PLD5: variants seen among roughly 807,000 people sequenced by gnomAD.
The protein encoded by PLD5 is inactive phospholipase D5.
PLD5 carries 36 observed loss-of-function variants against 61.1 expected under a neutral mutation model. That is an observed-to-expected ratio of 0.59 (90% CI 0.45 to 0.78). PLD5 has a LOEUF of 0.78. Ranked by LOEUF, PLD5 falls within the 30% of genes least tolerant of loss-of-function variation. The probability of loss-of-function intolerance (pLI) is 0.00; values close to 1 mark genes in which losing one functional copy is unlikely to be tolerated. For synonymous variants in PLD5, 243 were observed against 242.8 expected (o/e 1.00, Z -0.01); for missense variants, 515 against 644.4 (o/e 0.80, Z 2.17).
intron 2 of PLD5, among the ~76,000 whole-genome samples, chr1:242,324,408 C>T (rs1156326449): frequency 6.6e-6 from 1 of 152,268 alleles, no homozygotes; most frequent in Non-Finnish European, 1.5e-5. Flanking sequence ...GCATACTTTG[C>T]GTGAAATCAC....
chr1:242,489,263 GGAGGCATTATATATCTT>G lies in PLD5; in HGVS notation c.189+34808_189+34824del. Among the ~76,000 whole-genome samples, 3 of 152,142 alleles carry G rather than the reference GGAGGCATTATATATCTT, an allele frequency of 2.0e-5. No homozygotes were observed. In the Middle Eastern group the frequency reaches 0.01, roughly 517 times the overall value. On this transcript the variant is annotated intron_variant, in intron 1 of 9. Coordinates refer to ENST00000536534, the MANE Select transcript of PLD5 (RefSeq NM_001372062.1). Reference sequence around the variant, plus strand: ...ATCATCCGTCCCTTTTTGGGGTGATGGAGGCATTATATATCTTGATTGAGATGTTGGTAATATGAATT... The same window carrying G: ...ATCATCCGTCCCTTTTTGGGGTGATGGATTGAGATGTTGGTAATATGAATT...
At chr1:242,161,221 A>ACAAT (rs1472644545) in intron 5 of PLD5, among the ~76,000 whole-genome samples, 1 of 152,130 alleles carries the variant, frequency 6.6e-6, no homozygotes, top group Admixed American at 6.5e-5. Flanking sequence ...GGGATTCCAC[A>ACAAT]CAATCATGGC....
Position 242,151,902 on chromosome 1 carries a change from G to A in PLD5, c.736-27237C>T, listed in dbSNP as rs145373084. ...ACAGGAAGCTGTAAGAAACAGCACA[G>A]AGAGATTCCTTGTACTTTTTACCCA... is the stretch of plus-strand genomic sequence containing the variant. On this transcript the variant is annotated intron_variant, in intron 5 of 9. Coordinates refer to ENST00000536534, the MANE Select transcript of PLD5 (RefSeq NM_001372062.1). Among the ~76,000 whole-genome samples, 69 of 152,152 alleles carry A rather than the reference G, an allele frequency of 4.5e-4. No homozygotes were observed. The East Asian group carries it at 0.013, about 28-fold the overall frequency.
At chr1:242,092,624 TGCA>T (rs1659922599) in intron 9 of PLD5, among the ~76,000 whole-genome samples, 1 of 152,168 alleles carries the variant, frequency 6.6e-6, no homozygotes, top group Non-Finnish European at 1.5e-5. Flanking sequence ...CCGTCCCCTC[TGCA>T]GCAACTCAGG....
chr1:242,435,047 GTTT>G (rs34085742), intron 1 of PLD5, among the ~76,000 whole-genome samples: 1 of 149,184 alleles, frequency 6.7e-6, no homozygotes, highest in Non-Finnish European at 1.5e-5. Context: ...CCCAGCCCTT[GTTT>G]TTTTTTTAAA....
chr1:242,467,477 G>T (rs1667312416), intron 1 of PLD5, among the ~76,000 whole-genome samples: 1 of 152,076 alleles, frequency 6.6e-6, no homozygotes, highest in Non-Finnish European at 1.5e-5. Context: ...GAGTCCCTTT[G>T]CTCCTCCAAA....
chr1:242,085,075 A>AT lies in PLD5; in HGVS notation c.*4778dup, dbSNP rs1377226490. The AT allele has an allele frequency of 5.9e-5, 9 of 152,246 alleles. No individual in the cohort carries two copies. Among genetic ancestry groups the AT allele is most frequent in the Non-Finnish European group, 1.3e-4 (9 of 68,016 alleles). 9.4% of individuals were successfully genotyped at this position (152,246 alleles called of 1,614,324 possible). On this transcript the variant is annotated 3_prime_UTR_variant, in exon 10 of 10. Transcript: ENST00000536534. ...ATTCAACCCTTTATCAAACCCATTTATTTAGGGATCTTAAGGTTAATAATA... is the reference window on the plus strand; with the variant it reads ...ATTCAACCCTTTATCAAACCCATTTATTTTAGGGATCTTAAGGTTAATAATA...
chr1:242,161,510 G>A (rs1665826425), intron 5 of PLD5, among the ~76,000 whole-genome samples: 1 of 151,996 alleles, frequency 6.6e-6, no homozygotes, highest in Non-Finnish European at 1.5e-5. Flanking sequence ...TGCAATGTAT[G>A]TTTCTCTTTA....
intron 5 of PLD5, among the ~76,000 whole-genome samples, chr1:242,128,919 G>A (rs927534636): frequency 2.0e-5 from 3 of 152,134 alleles, no homozygotes; most frequent in Admixed American, 6.5e-5. Context: ...TCAGTGCCTG[G>A]CTCAAACCGC....
chr1:242,411,647 C>A (rs567473660), intron 1 of PLD5, among the ~76,000 whole-genome samples: 15 of 152,096 alleles, frequency 9.9e-5, no homozygotes, highest in Non-Finnish European at 2.2e-4. Context: ...TGATTTTGAC[C>A]ATTTGCAATG....
intron 1 of PLD5, among the ~76,000 whole-genome samples, chr1:242,469,034 C>T (rs765905475): frequency 6.6e-6 from 1 of 152,200 alleles, no homozygotes; most frequent in Non-Finnish European, 1.5e-5. Flanking sequence ...ACAGTCGTAA[C>T]TGCCACACTA....
At chr1:242,225,127 G>T (rs184972479) in intron 4 of PLD5, among the ~76,000 whole-genome samples, 110 of 152,332 alleles carry the variant, frequency 7.2e-4, no homozygotes, top group South Asian at 1.2e-3. Flanking sequence ...ACCCATTCAT[G>T]CTGTCATGTG....
At chr1:242,383,977 G>A (rs1453379717) in intron 1 of PLD5, among the ~76,000 whole-genome samples, 2 of 152,184 alleles carry the variant, frequency 1.3e-5, no homozygotes, top group Non-Finnish European at 2.9e-5. Context: ...CTGACACAGA[G>A]TCCCAACACA....
chr1:242,287,650 G>A (rs1246281640), intron 3 of PLD5, among the ~76,000 whole-genome samples: 1 of 152,116 alleles, frequency 6.6e-6, no homozygotes, highest in African/African-American at 2.4e-5. Flanking sequence ...ATATTTAAGT[G>A]TAGGCCAATG....
chr1:242,138,912 T>C (rs1040162689), intron 5 of PLD5, among the ~76,000 whole-genome samples: 2 of 152,222 alleles, frequency 1.3e-5, no homozygotes, highest in African/African-American at 4.8e-5. Flanking sequence ...TGGTTTGATA[T>C]TATGAGCAAA....
At position 242,137,497 on chromosome 1, in the gene PLD5, TA is replaced by T. The variant is rs1368338722; in HGVS notation, c.736-12833del. Among the ~76,000 whole-genome samples, 53 of 152,186 alleles carry T rather than the reference TA, an allele frequency of 3.5e-4. 2 individuals are homozygous for T. The highest frequency in any genetic ancestry group is 4.4e-5 in the Non-Finnish European group (3 of 68,030). ...ATATTGTCTTAAAAAACAGCCACAATAATAACACGTTTTAGGGATATCCTAT... is the reference window on the plus strand; with the variant it reads ...ATATTGTCTTAAAAAACAGCCACAATATAACACGTTTTAGGGATATCCTAT... On this transcript the variant is annotated intron_variant, in intron 5 of 9. Coordinates refer to ENST00000536534, the MANE Select transcript of PLD5 (RefSeq NM_001372062.1).
chr1:242,524,225 C>A lies in PLD5; in HGVS notation c.52G>T (p.Glu18Ter). 2.0e-6 allele frequency: 3 copies of A among 1,529,196 alleles called. No individual in the cohort carries two copies. The highest frequency in any genetic ancestry group is 2.6e-6 in the Non-Finnish European group (3 of 1,143,692). The allele number at this position is 1,529,196 out of a possible 1,614,324, so 94.7% of individuals were successfully genotyped here. A position where few individuals can be genotyped will look rare whatever the true frequency, so the allele number is the denominator to read the frequency against. Reference sequence around the variant, plus strand: ...GGGCGGCTTTTGAGCCTCATCTGCTCGAAGCCCTCATGGGGGGAGGCCGAG... The same window carrying A: ...GGGCGGCTTTTGAGCCTCATCTGCTAGAAGCCCTCATGGGGGGAGGCCGAG... Reference protein sequence around the residue: ...WLSASPHEGFEQMRLKSRPKE... With the variant: ...WLSASPHEGF The change falls in exon 1 of 10, where the codon GAG (glutamate) becomes TAG (stop). Residue 18 changes from glutamate (E) to a stop codon, truncating the protein, a stop_gained. Transcript: ENST00000536534. LOFTEE classifies it high-confidence loss of function.
intron 1 of PLD5, among the ~76,000 whole-genome samples, chr1:242,500,067 A>G (rs1668504967): frequency 6.6e-6 from 1 of 152,138 alleles, no homozygotes; most frequent in African/African-American, 2.4e-5. Flanking sequence ...GAACTCCAAG[A>G]ATAATGGTTC....
rs1299608842 is a variant in PLD5 at position 242,085,307 on chromosome 1, T to C, written c.*4547A>G. On this transcript the variant is annotated 3_prime_UTR_variant, in exon 10 of 10. Coordinates refer to ENST00000536534, the MANE Select transcript of PLD5 (RefSeq NM_001372062.1). ...TTTTAGAACCTTGTAAATACAAGAC[T>C]GCTAATGGGTCAAAAATAAGAAAAT... 1 of 152,130 alleles carries C rather than the reference T, an allele frequency of 6.6e-6. No individual in the cohort carries two copies. Among genetic ancestry groups the C allele is most frequent in the African/African-American group, 2.4e-5 (1 of 41,428 alleles). 9.4% of individuals were successfully genotyped at this position (152,130 alleles called of 1,614,324 possible). A position where few individuals can be genotyped will look rare whatever the true frequency, so the allele number is the denominator to read the frequency against.
Sources: gnomAD v4.1 joint callset for allele counts (sites outside exome capture counted in the v4.1 genomes callset) on GRCh38, gnomAD v4.1.1 for gene constraint, MANE v1.5 for transcripts, NCBI Gene and HGNC (gene_info 2026-07-23, HGNC 2026-07-21) for gene names.